The following SEMA6B variants were observed in gnomAD, a reference collection of about 807,000 sequenced individuals.
SEMA6B encodes the protein semaphorin-6B.
Under a neutral mutation model 78.6 loss-of-function variants are expected in SEMA6B, and 47 were observed. That is an observed-to-expected ratio of 0.60 (90% CI 0.47 to 0.76). SEMA6B has a LOEUF of 0.76. Among genes scored for constraint, SEMA6B ranks in the 30% least tolerant of loss-of-function variants. SEMA6B has a pLI of 0.00. For synonymous variants in SEMA6B, 632 were observed against 592.2 expected (o/e 1.07, Z -0.98); for missense variants, 1,213 against 1,269.9 (o/e 0.96, Z 0.68).
Position 4,552,456 on chromosome 19 carries a change from C to A in SEMA6B, c.955G>T (p.Val319Leu). 1.2e-6 allele frequency: 2 copies of A among 1,602,540 alleles called. No homozygotes were observed. Among genetic ancestry groups the A allele is most frequent in the Non-Finnish European group, 8.5e-7 (1 of 1,175,284 alleles). Residue 319 changes from valine to leucine, a missense_variant, in exon 10 of 17, where the codon GTG becomes TTG. Physicochemically the swap from Val to Leu is conservative, Grantham distance 32. Transcript: ENST00000586582. This position sits in a 1 kb window ranked among gnomAD's most constrained non-coding sequence, Gnocchi z 7.4. ...GGCGTGGAAAAAACGGCCAGGACCA[C>A]GGGCCGGCCCCCGAGGCTGACCACG... ...TGVVSLGGRP[V>L]VLAVFSTPSN... is the part of the protein sequence containing the mutation.
chr19:4,546,337 T>G (rs1977165401), intron 15 of SEMA6B, 55 bp downstream of exon 15: 9 of 1,598,050 alleles, frequency 5.6e-6, no homozygotes, highest in Non-Finnish European at 7.7e-6. Context: ...CAGGGGGATC[T>G]GGGATCATGG....
rs1455533590 is a variant in SEMA6B at position 4,550,274 on chromosome 19, T to TG, written c.1122-3dup. The TG allele has an allele frequency of 6.2e-7, 1 of 1,613,404 alleles. No individual in the cohort carries two copies. Among genetic ancestry groups the TG allele is most frequent in the African/African-American group, 1.3e-5 (1 of 74,910 alleles). On this transcript the variant is annotated splice_polypyrimidine_tract_variant and splice_region_variant and intron_variant, in intron 11 of 16. Transcript: ENST00000586582. This position sits in a 1 kb window ranked among gnomAD's most constrained non-coding sequence, Gnocchi z 6.6. ...CCGGGGGCTGCGCAGCACCCGGGCC[T>TG]GGGGGTGACAAGGGTGTGGTCAGGA...
In SEMA6B at chr19:4,558,481, A is replaced by T; in HGVS notation, c.-24T>A. On this transcript the variant is annotated 5_prime_UTR_variant, in exon 2 of 17. Transcript: ENST00000586582. This position sits in a 1 kb window ranked among gnomAD's most constrained non-coding sequence, Gnocchi z 5.1. ...ATGGCGAGGGCCAGGCGACAGGAGG[A>T]GGTGACGCCTGCGGGCAAGGGGCGG... The T allele has an allele frequency of 8.1e-7, 1 of 1,238,204 alleles. No homozygotes were observed. The highest frequency in any genetic ancestry group is 1.0e-6 in the Non-Finnish European group (1 of 988,266). 76.7% of individuals were successfully genotyped at this position (1,238,204 alleles called of 1,614,324 possible). A position where few individuals can be genotyped will look rare whatever the true frequency, so the allele number is the denominator to read the frequency against.
rs1977522772 is a variant in SEMA6B at position 4,558,135 on chromosome 19, G to A, written c.136C>T (p.Pro46Ser). 1.3e-6 allele frequency: 2 copies of A among 1,504,222 alleles called. No homozygotes were observed. The highest frequency in any genetic ancestry group is 1.8e-6 in the Non-Finnish European group (2 of 1,117,626). The allele number at this position is 1,504,222 out of a possible 1,614,324, so 93.2% of individuals were successfully genotyped here. A position where few individuals can be genotyped will look rare whatever the true frequency, so the allele number is the denominator to read the frequency against. Residue 46 changes from proline to serine, a missense_variant, in exon 3 of 17, where the codon CCC (proline) becomes TCC (serine). Pro to Ser is a moderately conservative substitution (Grantham distance 74, BLOSUM62 -1). Transcript: ENST00000586582. The surrounding 1 kb of genome is among the most constrained non-coding windows in gnomAD (Gnocchi z 5.1). ...VAPRDYLNHYPVFVGSGPGRL... is the reference protein window; with the variant it reads ...VAPRDYLNHYSVFVGSGPGRL... Reference sequence around the variant, plus strand: ...CCGGGCCCGCTGCCCACAAACACGGGATAGTGGTTCAGGTCTGAGTGAGGG... The same window carrying A: ...CCGGGCCCGCTGCCCACAAACACGGAATAGTGGTTCAGGTCTGAGTGAGGG...
chr19:4,550,732 C>T lies in SEMA6B; in HGVS notation c.1121+67G>A, dbSNP rs576706092. On this transcript the variant is annotated intron_variant, in intron 11 of 16. Coordinates refer to ENST00000586582, the MANE Select transcript of SEMA6B (RefSeq NM_032108.4). This position sits in a 1 kb window ranked among gnomAD's most constrained non-coding sequence, Gnocchi z 6.6. ...TCAGCTAAATAACCACCCGGAAGCC[C>T]CAGCCCTCGGCCCTGGGGATCAGGA... 12 of 1,582,316 alleles carry T rather than the reference C, an allele frequency of 7.6e-6. No homozygotes were observed. In the East Asian group the frequency reaches 2.2e-4, roughly 30 times the overall value.
chr19:4,557,207 C>G lies in SEMA6B; in HGVS notation c.262G>C (p.Val88Leu). The stretch of plus-strand genomic sequence containing the variant: ...GTGGACGTGGGGGGCTCCAGCTCTA[C>G]GCGGTAGAGGTTGTCCCTGGGGGAG... ...FIGDRDNLYR[V>L]ELEPPTSTEL... The change falls in exon 4 of 17, where the codon GTA becomes CTA. Residue 88 changes from valine (V) to leucine (L), a missense_variant. Transcript: ENST00000586582. 2.5e-6 allele frequency: 4 copies of G among 1,595,554 alleles called. No homozygotes were observed. Among genetic ancestry groups the G allele is most frequent in the Non-Finnish European group, 3.4e-6 (4 of 1,170,642 alleles).
In SEMA6B at chr19:4,555,203, C is replaced by A; in HGVS notation, c.563-108G>T. On this transcript the variant is annotated intron_variant, in intron 7 of 16. Transcript: ENST00000586582. The surrounding 1 kb of genome is among the most constrained non-coding windows in gnomAD (Gnocchi z 6.1). ...AGACTGAGTCCTGAGCCTAGGGGAG[C>A]CCCTGTCTCCAGGCTGAGCCCTGAT... 8.2e-7 allele frequency: 1 copy of A among 1,219,942 alleles called. No homozygotes were observed. Among genetic ancestry groups the A allele is most frequent in the Non-Finnish European group, 1.2e-6 (1 of 864,590 alleles). 75.6% of individuals were successfully genotyped at this position (1,219,942 alleles called of 1,614,324 possible).
rs1011524055 is a variant in SEMA6B at position 4,544,721 on chromosome 19, C to T, written c.1739-192G>A. Among the ~76,000 whole-genome samples, 22 of 151,896 alleles carry T rather than the reference C, an allele frequency of 1.4e-4. No homozygotes were observed. The highest frequency in any genetic ancestry group is 5.1e-4 in the African/African-American group (21 of 41,418). On this transcript the variant is annotated intron_variant, in intron 16 of 16. Coordinates refer to ENST00000586582, the MANE Select transcript of SEMA6B (RefSeq NM_032108.4). The surrounding 1 kb of genome is among the most constrained non-coding windows in gnomAD (Gnocchi z 5.1). ...GGCGATCTCGATTCACTGCAACCTC[C>T]GCCTCCCATGTTCAAGTGATTCTCC...
rs762484729 is a variant in SEMA6B at position 4,555,463 on chromosome 19, G to A, written c.562+11C>T. On this transcript the variant is annotated intron_variant, in intron 7 of 16. Coordinates refer to ENST00000586582, the MANE Select transcript of SEMA6B (RefSeq NM_032108.4). This position sits in a 1 kb window ranked among gnomAD's most constrained non-coding sequence, Gnocchi z 6.1. ...TGGGGCTGATCAGATGGAGGTTGGG[G>A]GGGTACTTACCAGAGAAGAGGGCAA... 3 of 1,607,882 alleles carry A rather than the reference G, an allele frequency of 1.9e-6. No homozygotes were observed. Among genetic ancestry groups the A allele is most frequent in the South Asian group, 1.1e-5 (1 of 90,648 alleles).
chr19:4,543,811 C>T lies in SEMA6B; in HGVS notation c.2457G>A (p.Arg819=). The change falls in exon 17 of 17, where the codon CGG becomes CGA. Residue 819 remains arginine (R), a synonymous_variant. Transcript: ENST00000586582. The stretch of plus-strand genomic sequence containing the variant: ...TGCCCGTCGGGGGCGGGCTCCAGGG[C>T]CGCGGGAGGCCATCGGCGGCTGAGG... ...DPASAADGLP[R]PWSPPPTGSL... is the part of the protein sequence containing the mutation. 1 of 1,217,374 alleles carries T rather than the reference C, an allele frequency of 8.2e-7. No homozygotes were observed. The highest frequency in any genetic ancestry group is 1.0e-6 in the Non-Finnish European group (1 of 978,870). The allele number at this position is 1,217,374 out of a possible 1,614,324, so 75.4% of individuals were successfully genotyped here.
rs900158714 is a variant in SEMA6B at position 4,558,755 on chromosome 19, T to A, written c.-32-266A>T. On this transcript the variant is annotated intron_variant, in intron 1 of 16. Coordinates refer to ENST00000586582, the MANE Select transcript of SEMA6B (RefSeq NM_032108.4). This position sits in a 1 kb window ranked among gnomAD's most constrained non-coding sequence, Gnocchi z 5.1. ...GTAATTTAAAACTAATAATAATTAT[T>A]ATAATAATAGATACAAATATCCTAA... Among the ~76,000 whole-genome samples the A allele has an allele frequency of 7.9e-5, 12 of 152,000 alleles. No individual in the cohort carries two copies. The highest frequency in any genetic ancestry group is 1.8e-4 in the Non-Finnish European group (12 of 68,014).
At position 4,558,056 on chromosome 19, in the gene SEMA6B, C is replaced by A. The variant is rs758790120; in HGVS notation, c.215G>T (p.Arg72Leu). Residue 72 changes from arginine to leucine, a missense_variant, in exon 3 of 17, where the codon CGG becomes CTG. By Grantham distance (102) the Arg-to-Leu change is moderately radical. Coordinates refer to ENST00000586582, the MANE Select transcript of SEMA6B (RefSeq NM_032108.4). The surrounding 1 kb of genome is among the most constrained non-coding windows in gnomAD (Gnocchi z 5.1). ...CCCAATGAACAGCGTCCTGTTGACC[C>A]GCAGGACTCGCTGGATGTTGAGGTC... The part of the protein sequence containing the change: ...ADDLNIQRVL[R>L]VNRTLFIGDR... 6.6e-7 allele frequency: 1 copy of A among 1,513,096 alleles called. No individual in the cohort carries two copies. The highest frequency in any genetic ancestry group is 8.9e-7 in the Non-Finnish European group (1 of 1,121,232). 93.7% of individuals were successfully genotyped at this position (1,513,096 alleles called of 1,614,324 possible).
chr19:4,543,353 C>T lies in SEMA6B; in HGVS notation c.*248G>A, dbSNP rs1485787390. The T allele has an allele frequency of 9.2e-6, 4 of 434,600 alleles. No homozygotes were observed. Among genetic ancestry groups the T allele is most frequent in the African/African-American group, 6.1e-5 (3 of 49,302 alleles). The allele number at this position is 434,600 out of a possible 1,614,324, so 26.9% of individuals were successfully genotyped here. A position where few individuals can be genotyped will look rare whatever the true frequency, so the allele number is the denominator to read the frequency against. On this transcript the variant is annotated 3_prime_UTR_variant, in exon 17 of 17. Transcript: ENST00000586582. ...CAAAACCTACGCGCATAAGGTCAAC[C>T]TCAAATCCATAGCAAAGTCCTCCCG... is the stretch of plus-strand genomic sequence containing the variant.
At position 4,550,203 on chromosome 19, in the gene SEMA6B, G is replaced by A. The variant is rs769283235; in HGVS notation, c.1191C>T (p.Asn397=). ...CCATCAGAGGGTGGGTCTTGACAAA[G>A]TTGAGGATGTCATCCGGCAAGGCGC... is the stretch of plus-strand genomic sequence containing the variant. ...ASSALPDDIL[N]FVKTHPLMDE... is the part of the protein sequence containing the mutation. The change falls in exon 12 of 17, where the codon AAC becomes AAT. Residue 397 remains asparagine (N), a synonymous_variant. Coordinates refer to ENST00000586582, the MANE Select transcript of SEMA6B (RefSeq NM_032108.4). The surrounding 1 kb of genome is among the most constrained non-coding windows in gnomAD (Gnocchi z 6.6). 8 of 1,613,194 alleles carry A rather than the reference G, an allele frequency of 5.0e-6. No homozygotes were observed. Among genetic ancestry groups the A allele is most frequent in the Non-Finnish European group, 6.8e-6 (8 of 1,179,694 alleles).
At chr19:4,545,085 C>T (rs1977130590) in intron 16 of SEMA6B, among the ~76,000 whole-genome samples, 1 of 151,962 alleles carries the variant, frequency 6.6e-6, no homozygotes, top group Non-Finnish European at 1.5e-5. Context: ...GGCTCACACC[C>T]ATAATCCTAG....
rs1192205724 is a variant in SEMA6B, at chr19:4,544,747, T to C, written c.1739-218A>G. ...GCCTCCCATGTTCAAGTGATTCTCC[T>C]GCCTCAGCCTCCCGAGTAGCTGGGA... On this transcript the variant is annotated intron_variant, in intron 16 of 16. Transcript: ENST00000586582. This position sits in a 1 kb window ranked among gnomAD's most constrained non-coding sequence, Gnocchi z 5.1. 2.0e-5 allele frequency among the ~76,000 whole-genome samples: 3 copies of C among 151,980 alleles called. No homozygotes were observed. The highest frequency in any genetic ancestry group is 4.8e-5 in the African/African-American group (2 of 41,418).
rs1977352058 is a variant in SEMA6B, at chr19:4,552,273, C to T, written c.989+149G>A. On this transcript the variant is annotated intron_variant, in intron 10 of 16. Transcript: ENST00000586582. This position sits in a 1 kb window ranked among gnomAD's most constrained non-coding sequence, Gnocchi z 7.4. ...ACTTAGAGGGTCAGTGTCAGCTTGT[C>T]CCACCCCAGCCTGGGGCCGAGGCCT... is the stretch of plus-strand genomic sequence containing the variant. 1 of 743,502 alleles carries T rather than the reference C, an allele frequency of 1.3e-6. No homozygotes were observed. The highest frequency in any genetic ancestry group is 2.8e-5 in the Admixed American group (1 of 35,234). 46.1% of individuals were successfully genotyped at this position (743,502 alleles called of 1,614,324 possible).
Position 4,544,189 on chromosome 19 carries a change from C to G in SEMA6B, c.2079G>C (p.Thr693=). 1 of 1,270,188 alleles carries G rather than the reference C, an allele frequency of 7.9e-7. No homozygotes were observed. Among genetic ancestry groups the G allele is most frequent in the Non-Finnish European group, 9.9e-7 (1 of 1,009,870 alleles). The allele number at this position is 1,270,188 out of a possible 1,614,324, so 78.7% of individuals were successfully genotyped here. Residue 693 remains threonine, a synonymous_variant, in exon 17 of 17, where the codon ACG becomes ACC. Coordinates refer to ENST00000586582, the MANE Select transcript of SEMA6B (RefSeq NM_032108.4). This position sits in a 1 kb window ranked among gnomAD's most constrained non-coding sequence, Gnocchi z 5.1. The part of the protein sequence containing the change: ...PLMQNGWAKA[T]LLQGGPHDLD... ...GGTCGTGGGGCCCGCCCTGCAGCAG[C>G]GTGGCCTTGGCCCAGCCGTTCTGCA...
chr19:4,552,920 G>T lies in SEMA6B; in HGVS notation c.772-281C>A, dbSNP rs1335402813. ...ACATCTCTTACACTCTTCCCGAGGG[G>T]GGCCTACTGATATCCCCCCATTGTA... On this transcript the variant is annotated intron_variant, in intron 9 of 16. Transcript: ENST00000586582. This position sits in a 1 kb window ranked among gnomAD's most constrained non-coding sequence, Gnocchi z 7.4. Among the ~76,000 whole-genome samples, 1 of 152,206 alleles carries T rather than the reference G, an allele frequency of 6.6e-6. No individual in the cohort carries two copies. Among genetic ancestry groups the T allele is most frequent in the African/African-American group, 2.4e-5 (1 of 41,444 alleles).
Sources: allele counts gnomAD v4.1 joint callset (sites outside exome capture counted in the v4.1 genomes callset), GRCh38; gene constraint gnomAD v4.1.1; non-coding constraint Gnocchi (gnomAD v3.1); transcripts MANE v1.5; gene names NCBI Gene and HGNC (gene_info 2026-07-23, HGNC 2026-07-21).